The following TJP1 variants were observed in gnomAD, a reference collection of about 807,000 sequenced individuals.
The protein encoded by TJP1 is tight junction protein ZO-1.
A neutral mutation model predicts 194.2 loss-of-function variants in TJP1; 43 were observed. The observed-to-expected ratio is 0.22, with a 90% CI of 0.17 to 0.29. The LOEUF (loss-of-function observed/expected upper bound fraction) is 0.29. Among genes scored for constraint, TJP1 ranks in the 10% least tolerant of loss-of-function variants. The pLI is 1.00. For missense variants in TJP1, 1,971 were observed against 2,185.7 expected (o/e 0.90, Z 1.96); for synonymous variants, 801 against 779.0 (o/e 1.03, Z -0.47).
chr15:29,752,197 G>C (rs1416476519), intron 8 of TJP1, among the ~76,000 whole-genome samples: 1 of 151,890 alleles, frequency 6.6e-6, no homozygotes, highest in Non-Finnish European at 1.5e-5. Flanking sequence ...CTGCCTCCCA[G>C]GTTCAAGCGA....
chr15:29,925,029 G>C (rs2054483037), intron 2 of TJP1, among the ~76,000 whole-genome samples: 1 of 152,214 alleles, frequency 6.6e-6, no homozygotes, highest in African/African-American at 2.4e-5. Context: ...ACCTGTGCCA[G>C]CAGTTCCCTG....
rs771062394 is a variant in TJP1 at position 29,720,436 on chromosome 15, A to G, written c.2685T>C (p.Tyr895=). Residue 895 remains tyrosine (Y), a synonymous_variant, in exon 19 of 28, where the codon TAT becomes TAC. Transcript: ENST00000614355. The part of the protein sequence containing the change: ...SSGMHHENQT[Y]PPYSPQAQPQ... ...GCTGCGCTTGTGGTGAGTAAGGAGG[A>G]TATGTTTGGTTTTCATGATGCATTC... The G allele has an allele frequency of 6.6e-5, 107 of 1,613,890 alleles. No individual in the cohort carries two copies. The highest frequency in any genetic ancestry group is 1.1e-4 in the African/African-American group (8 of 74,878).
intron 8 of TJP1, among the ~76,000 whole-genome samples, chr15:29,753,917 T>A (rs534151551): frequency 7.8e-4 from 118 of 151,682 alleles, no homozygotes; most frequent in Middle Eastern, 3.5e-3. Context: ...CAACAATATA[T>A]GTAATTCTTG....
chr15:29,804,022 T>G (rs550142911), intron 1 of TJP1, among the ~76,000 whole-genome samples: 1 of 151,678 alleles, frequency 6.6e-6, no homozygotes, highest in East Asian at 1.9e-4. Flanking sequence ...TTACCACTCC[T>G]TATCTTTAAA....
chr15:29,934,390 C>T (rs1385679593), intron 2 of TJP1, among the ~76,000 whole-genome samples: 1 of 152,198 alleles, frequency 6.6e-6, no homozygotes, highest in Non-Finnish European at 1.5e-5. Flanking sequence ...TTTTCCTACA[C>T]ATCTGTGATT....
chr15:29,716,513 C>T, intron 23 of TJP1, 98 bp downstream of exon 23: 1 of 897,168 alleles, frequency 1.1e-6, no homozygotes, highest in Non-Finnish European at 1.7e-6. Flanking sequence ...CTACAGAAAT[C>T]ATATATTACA....
chr15:29,956,701 G>A (rs1182823559), intron 1 of TJP1, among the ~76,000 whole-genome samples: 1 of 152,094 alleles, frequency 6.6e-6, no homozygotes, highest in Non-Finnish European at 1.5e-5. Context: ...GCAATACAGG[G>A]AGACCCTGCC....
At chr15:29,726,153 T>C (rs2043224288) in intron 18 of TJP1, among the ~76,000 whole-genome samples, 1 of 152,136 alleles carries the variant, frequency 6.6e-6, no homozygotes, top group Non-Finnish European at 1.5e-5. Context: ...TAGGAGACAA[T>C]CCTACTGCAG....
chr15:29,873,882 T>C (rs2052609381), intron 2 of TJP1, among the ~76,000 whole-genome samples: 1 of 152,192 alleles, frequency 6.6e-6, no homozygotes, highest in Non-Finnish European at 1.5e-5. Context: ...GATCATTATT[T>C]TGCATTTTGC....
At chr15:29,754,476 A>G (rs1195890034) in intron 8 of TJP1, among the ~76,000 whole-genome samples, 1 of 152,218 alleles carries the variant, frequency 6.6e-6, no homozygotes, top group Non-Finnish European at 1.5e-5. Flanking sequence ...ATGTTTACCT[A>G]CGTAACAAAC....
chr15:29,732,758 A>G lies in TJP1; in HGVS notation c.1794T>C (p.Arg598=). Residue 598 remains arginine (R), a synonymous_variant, in exon 14 of 28, where the codon CGT becomes CGC. Transcript: ENST00000614355. ...GACCTCTGAATCTCCAGAAGTCAGC[A>G]CGGTCTCCGCCTGCTGTTTTTGGAA... ...YTLPKTAGGD[R]ADFWRFRGLR... The G allele has an allele frequency of 6.2e-7, 1 of 1,614,156 alleles. No homozygotes were observed. Among genetic ancestry groups the G allele is most frequent in the Non-Finnish European group, 8.5e-7 (1 of 1,180,020 alleles).
chr15:29,705,376 G>C, intron 26 of TJP1, 152 bp downstream of exon 26: 1 of 748,886 alleles, frequency 1.3e-6, no homozygotes. Flanking sequence ...CCCACTGCTT[G>C]CTTGCAACAC....
At chr15:29,953,181 G>T (rs367750931) in intron 2 of TJP1, among the ~76,000 whole-genome samples, 2 of 124,174 alleles carry the variant, frequency 1.6e-5, no homozygotes, top group African/African-American at 6.1e-5. Flanking sequence ...TCGCTCTGTC[G>T]TCCAGACTGG....
rs1259279777 is a variant in TJP1 at position 29,708,128 on chromosome 15, G to A, written c.4850+431C>T. Among the ~76,000 whole-genome samples, 4 of 151,878 alleles carry A rather than the reference G, an allele frequency of 2.6e-5. No homozygotes were observed. The East Asian group carries it at 7.7e-4, about 29-fold the overall frequency. On this transcript the variant is annotated intron_variant, in intron 25 of 27. Coordinates refer to ENST00000614355, the MANE Select transcript of TJP1 (RefSeq NM_001330239.4). ...GGAGAATTGCCTGAACCCAGGGGGT[G>A]GAGGTTGCAGTGAACCAAGATCGCA...
intron 2 of TJP1, among the ~76,000 whole-genome samples, chr15:29,907,969 GA>G (rs1254805571): frequency 1.4e-5 from 2 of 140,154 alleles, no homozygotes; most frequent in Non-Finnish European, 3.1e-5. Context: ...AGTGCTCTTG[GA>G]AACTAAAAAT....
At chr15:29,757,729 C>T (rs1213864992) in intron 8 of TJP1, among the ~76,000 whole-genome samples, 1 of 152,160 alleles carries the variant, frequency 6.6e-6, no homozygotes, top group East Asian at 1.9e-4. Flanking sequence ...GTTACCTTTT[C>T]TTTTATACAC....
At chr15:29,780,188 T>C (rs1486224466) in intron 2 of TJP1, among the ~76,000 whole-genome samples, 1 of 152,124 alleles carries the variant, frequency 6.6e-6, no homozygotes, top group African/African-American at 2.4e-5. Context: ...GTGTACTTTA[T>C]TTCTATTATG....
intron 2 of TJP1, among the ~76,000 whole-genome samples, chr15:29,947,672 G>A (rs1033058186): frequency 2.6e-5 from 4 of 152,208 alleles, no homozygotes; most frequent in African/African-American, 9.7e-5. Context: ...GATGTAGAGA[G>A]ATGTCCCTGG....
intron 8 of TJP1, among the ~76,000 whole-genome samples, chr15:29,751,186 G>A (rs1165385154): frequency 6.6e-6 from 1 of 152,216 alleles, no homozygotes; most frequent in Non-Finnish European, 1.5e-5. Context: ...TACAGGGCTG[G>A]TACTTGGGAA....
Sources: gnomAD v4.1 joint callset for allele counts (sites outside exome capture counted in the v4.1 genomes callset) on GRCh38, gnomAD v4.1.1 for gene constraint, MANE v1.5 for transcripts, NCBI Gene and HGNC (gene_info 2026-07-23, HGNC 2026-07-21) for gene names.